The following TRHDE variants were observed in gnomAD, a reference collection of about 807,000 sequenced individuals.
TRHDE encodes thyrotropin releasing hormone degrading enzyme.
TRHDE carries 72 observed loss-of-function variants against 125.7 expected under a neutral mutation model. That is an observed-to-expected ratio of 0.57 (90% CI 0.47 to 0.70). TRHDE has a LOEUF of 0.70. TRHDE is among the 30% of genes least tolerant of loss of function. The pLI is 0.00. For missense variants in TRHDE, 1,110 were observed against 1,327.1 expected, an observed-to-expected ratio of 0.84 and a Z score of 2.54; for synonymous variants, 509 against 509.1, an observed-to-expected ratio of 1.00 and a Z score of 0.00.
chr12:72,526,655 T>A (rs576674603), intron 6 of TRHDE, among the ~76,000 whole-genome samples: 5 of 152,162 alleles, frequency 3.3e-5, no homozygotes, highest in Non-Finnish European at 7.4e-5. Flanking sequence ...CCATAGTTCA[T>A]CCTTTACTAA....
chr12:72,589,551 C>T (rs1871582902), intron 12 of TRHDE, among the ~76,000 whole-genome samples: 1 of 152,028 alleles, frequency 6.6e-6, no homozygotes, highest in South Asian at 2.1e-4. Context: ...GCCATGTGAG[C>T]CTGAAATTCT....
At chr12:72,378,631 A>T (rs956516270) in intron 3 of TRHDE, among the ~76,000 whole-genome samples, 1 of 152,156 alleles carries the variant, frequency 6.6e-6, no homozygotes, top group Non-Finnish European at 1.5e-5. Context: ...AAATTTTCAC[A>T]TGTCAGACCT....
intron 6 of TRHDE, among the ~76,000 whole-genome samples, chr12:72,518,103 G>GA (rs1592506076): frequency 6.7e-6 from 1 of 150,320 alleles, no homozygotes; most frequent in Admixed American, 6.6e-5. Context: ...GTGTGGTGCT[G>GA]AAAAAAATGT....
At chr12:72,293,314 A>G (rs1467339765) in intron 2 of TRHDE, among the ~76,000 whole-genome samples, 1 of 151,560 alleles carries the variant, frequency 6.6e-6, no homozygotes, top group Non-Finnish European at 1.5e-5. Context: ...TACTCTGCTG[A>G]TTATTTCTTT....
intron 2 of TRHDE, among the ~76,000 whole-genome samples, chr12:72,106,981 T>C (rs1389141929): frequency 6.6e-6 from 1 of 152,104 alleles, no homozygotes; most frequent in Non-Finnish European, 1.5e-5. Context: ...CTTGAACTTC[T>C]CAACATCTGA....
At chr12:72,290,255 A>G (rs1423089732) in intron 2 of TRHDE, among the ~76,000 whole-genome samples, 5 of 152,366 alleles carry the variant, frequency 3.3e-5, no homozygotes, top group Middle Eastern at 6.8e-3. Context: ...ACACAGAGGT[A>G]GGTATATCTC....
chr12:72,415,253 T>C (rs1050574355), intron 3 of TRHDE, among the ~76,000 whole-genome samples: 4 of 152,138 alleles, frequency 2.6e-5, no homozygotes, highest in African/African-American at 9.6e-5. Context: ...TTGTAATGGA[T>C]ATATAATAGT....
intron 3 of TRHDE, among the ~76,000 whole-genome samples, chr12:72,383,676 C>T (rs148983585): frequency 8.8e-4 from 134 of 151,806 alleles, no homozygotes; most frequent in African/African-American, 2.9e-3. Context: ...CATGCCCGGC[C>T]CCCCATTTGA....
intron 2 of TRHDE, among the ~76,000 whole-genome samples, chr12:72,200,438 T>A (rs1877535558): frequency 6.6e-6 from 1 of 152,200 alleles, no homozygotes. Context: ...AAACACCTGT[T>A]GACTGAGAAA....
chr12:72,241,833 GT>G (rs148523396), intron 2 of TRHDE, among the ~76,000 whole-genome samples: 3 of 152,144 alleles, frequency 2.0e-5, no homozygotes, highest in African/African-American at 4.8e-5. Context: ...TTTTCGTTAG[GT>G]TTTTTTCAAC....
At chr12:72,257,262 A>T (rs1019737133) in intron 2 of TRHDE, 2 of 152,166 alleles carry the variant, frequency 1.3e-5, no homozygotes, top group Non-Finnish European at 2.9e-5. Context: ...ACAAGTGGAA[A>T]ATTCCACACC....
At chr12:72,559,991 T>TTA (rs1870100772) in intron 7 of TRHDE, among the ~76,000 whole-genome samples, 1 of 152,150 alleles carries the variant, frequency 6.6e-6, no homozygotes, top group African/African-American at 2.4e-5. Context: ...CTCCATAAAT[T>TTA]TTGTGGAATT....
chr12:72,194,160 C>G (rs1052311964), intron 2 of TRHDE, among the ~76,000 whole-genome samples: 1 of 151,976 alleles, frequency 6.6e-6, no homozygotes, highest in Non-Finnish European at 1.5e-5. Flanking sequence ...TCTTTAATTA[C>G]TCTGAGATAG....
intron 15 of TRHDE, among the ~76,000 whole-genome samples, chr12:72,624,284 G>A (rs1873168727): frequency 6.6e-6 from 1 of 151,812 alleles, no homozygotes; most frequent in African/African-American, 2.4e-5. Context: ...CAATAGACCA[G>A]TAATCCTTGT....
intron 15 of TRHDE, among the ~76,000 whole-genome samples, chr12:72,634,429 T>C (rs1453550240): frequency 6.6e-6 from 1 of 152,072 alleles, no homozygotes; most frequent in Non-Finnish European, 1.5e-5. Flanking sequence ...TTTTCTTTTT[T>C]TTTTTTTTAA....
Position 72,665,837 on chromosome 12 carries a change from A to C in TRHDE, c.*2642A>C, listed in dbSNP as rs999631356. 2.0e-4 allele frequency: 31 copies of C among 152,090 alleles called. No homozygotes were observed. Among genetic ancestry groups the C allele is most frequent in the Non-Finnish European group, 1.2e-4 (8 of 67,990 alleles). 9.4% of individuals were successfully genotyped at this position (152,090 alleles called of 1,614,324 possible). ...AACATTTCCAGGTAACTCGTAAATA[A>C]AAAGATTTCCCCATTTTTACACATT... On this transcript the variant is annotated 3_prime_UTR_variant, in exon 19 of 19. Coordinates refer to ENST00000261180, the MANE Select transcript of TRHDE (RefSeq NM_013381.3).
intron 2 of TRHDE, among the ~76,000 whole-genome samples, chr12:72,232,709 C>T (rs1039867839): frequency 2.0e-5 from 3 of 152,012 alleles, no homozygotes; most frequent in South Asian, 2.1e-4. Flanking sequence ...TGCCATTTTC[C>T]GCTACCTAAA....
chr12:72,385,267 T>C (rs1872362696), intron 3 of TRHDE, among the ~76,000 whole-genome samples: 1 of 152,094 alleles, frequency 6.6e-6, no homozygotes, highest in Non-Finnish European at 1.5e-5. Flanking sequence ...TATACTCAGC[T>C]ATTGTATGGT....
chr12:72,547,687 T>C (rs1217321918), intron 7 of TRHDE, among the ~76,000 whole-genome samples: 4 of 151,762 alleles, frequency 2.6e-5, no homozygotes, highest in African/African-American at 9.7e-5. Context: ...ACCACCTCTA[T>C]ACAGGACATC....
Sources: allele counts gnomAD v4.1 joint callset (sites outside exome capture counted in the v4.1 genomes callset), GRCh38; gene constraint gnomAD v4.1.1; transcripts MANE v1.5; gene names NCBI Gene and HGNC (gene_info 2026-07-23, HGNC 2026-07-21).